The following SLC16A7 variants were observed in gnomAD, a reference collection of about 807,000 sequenced individuals.
SLC16A7 encodes monocarboxylate transporter 2.
SLC16A7 carries 33 observed loss-of-function variants against 34.9 expected under a neutral mutation model. That is an observed-to-expected ratio of 0.94 (90% CI 0.72 to 1.26). The LOEUF (loss-of-function observed/expected upper bound fraction) is 1.26, where lower values mean the gene tolerates loss of function less well. SLC16A7 is among the 50% of genes most tolerant of loss of function. SLC16A7 has a pLI of 0.00. For synonymous variants in SLC16A7, 201 were observed against 206.6 expected, an observed-to-expected ratio of 0.97 and a Z score of 0.23; for missense variants, 573 against 578.1, an observed-to-expected ratio of 0.99 and a Z score of 0.09.
chr12:59,676,769 G>T (rs988989118), intron 2 of SLC16A7, among the ~76,000 whole-genome samples: 16 of 152,066 alleles, frequency 1.1e-4, no homozygotes, highest in Non-Finnish European at 2.1e-4. Context: ...TACTAAGTAG[G>T]TAAAGGGACA....
chr12:59,601,935 G>T (rs1878703360), intron 1 of SLC16A7, among the ~76,000 whole-genome samples: 1 of 152,114 alleles, frequency 6.6e-6, no homozygotes, highest in Non-Finnish European at 1.5e-5. Flanking sequence ...AATTTTGGAG[G>T]CACACATTAA....
At position 59,707,917 on chromosome 12, in the gene SLC16A7, A is replaced by G. The variant is rs979438882; in HGVS notation, c.217+2899A>G. 7.9e-5 allele frequency among the ~76,000 whole-genome samples: 12 copies of G among 152,116 alleles called. No individual in the cohort carries two copies. The South Asian group carries it at 2.3e-3, about 29-fold the overall frequency. ...TCCTTCTTTTAAAACTGGAAACACAATTCTAGGCCCATTGTCTAGTGGATG... is the reference window on the plus strand; with the variant it reads ...TCCTTCTTTTAAAACTGGAAACACAGTTCTAGGCCCATTGTCTAGTGGATG... On this transcript the variant is annotated intron_variant, in intron 3 of 5. Transcript: ENST00000547379.
At chr12:59,613,451 G>A (rs781280208) in intron 1 of SLC16A7, among the ~76,000 whole-genome samples, 11 of 152,106 alleles carry the variant, frequency 7.2e-5, no homozygotes, top group African/African-American at 9.7e-5. Flanking sequence ...CATCACTTTG[G>A]GAGTTAGGTT....
intron 2 of SLC16A7, among the ~76,000 whole-genome samples, chr12:59,699,571 G>A (rs1031014269): frequency 6.6e-6 from 1 of 151,672 alleles, no homozygotes; most frequent in African/African-American, 2.4e-5. Flanking sequence ...TGCCCCAAGA[G>A]AGGAAAGTAC....
intron 3 of SLC16A7, among the ~76,000 whole-genome samples, chr12:59,753,048 C>A (rs1406983958): frequency 2.0e-5 from 3 of 152,128 alleles, no homozygotes; most frequent in South Asian, 2.1e-4. Context: ...TACAGACAAG[C>A]AAATGCTGAG....
At chr12:59,603,469 T>C (rs1878786013) in intron 1 of SLC16A7, among the ~76,000 whole-genome samples, 1 of 152,194 alleles carries the variant, frequency 6.6e-6, no homozygotes, top group Admixed American at 6.5e-5. Flanking sequence ...TGTTCTTTTA[T>C]CTTGAAATGA....
At chr12:59,762,333 C>T (rs12316277) in intron 3 of SLC16A7, among the ~76,000 whole-genome samples, 2,638 of 152,084 alleles carry the variant, frequency 0.017, 59 homozygotes, top group African/African-American at 0.059. Flanking sequence ...GCTTGAATAT[C>T]GAAATGGAAT....
chr12:59,645,612 G>C (rs936879776), intron 1 of SLC16A7, among the ~76,000 whole-genome samples: 1 of 152,054 alleles, frequency 6.6e-6, no homozygotes, highest in African/African-American at 2.4e-5. Context: ...ACCGAGTCTT[G>C]GGTGTGTTCT....
chr12:59,774,722 C>T lies in SLC16A7; in HGVS notation c.427C>T (p.Arg143Ter), dbSNP rs755179284. 2.7e-5 allele frequency: 43 copies of T among 1,613,092 alleles called. No homozygotes were observed. The highest frequency in any genetic ancestry group is 3.3e-5 in the Admixed American group (2 of 59,836). The change falls in exon 5 of 6, where the codon CGA becomes TGA. Residue 143 changes from arginine (R) to a stop codon, truncating the protein, a stop_gained. Transcript: ENST00000547379. LOFTEE classifies it high-confidence loss of function. ...TIIGKYFYRKRPMANGLAMAG... is the reference protein window; with the variant it reads ...TIIGKYFYRK ...AATTGGCAAATACTTCTATAGGAAG[C>T]GACCCATGGCAAATGGATTGGCCAT...
At chr12:59,606,282 C>G (rs1304519047) in intron 1 of SLC16A7, among the ~76,000 whole-genome samples, 1 of 152,078 alleles carries the variant, frequency 6.6e-6, no homozygotes, top group Non-Finnish European at 1.5e-5. Context: ...GAAATTTTCA[C>G]TTAGTTATAA....
chr12:59,612,009 G>A (rs1032474523), intron 1 of SLC16A7, among the ~76,000 whole-genome samples: 1 of 152,204 alleles, frequency 6.6e-6, no homozygotes, highest in African/African-American at 2.4e-5. Flanking sequence ...CAAGCTGTCA[G>A]TGGATCTACA....
chr12:59,761,139 A>G (rs1343600463), intron 3 of SLC16A7: 31 of 1,283,920 alleles, frequency 2.4e-5, no homozygotes, highest in Non-Finnish European at 3.1e-5. Context: ...AATATTTGAA[A>G]GCTTTTTGAT....
At position 59,712,065 on chromosome 12, in the gene SLC16A7, A is replaced by C. The variant is rs140468819; in HGVS notation, c.217+7047A>C. ...TCACACAAGAATATATACATTTATG[A>C]GTGCATATGTGAGTGTGTGTGTATG... On this transcript the variant is annotated intron_variant, in intron 3 of 5. Transcript: ENST00000547379. Among the ~76,000 whole-genome samples, 213 of 152,322 alleles carry C rather than the reference A, an allele frequency of 1.4e-3. 1 individual carries two copies. Among genetic ancestry groups the C allele is most frequent in the Middle Eastern group, 6.8e-3 (2 of 294 alleles).
chr12:59,649,178 C>T (rs1012150034), intron 1 of SLC16A7, among the ~76,000 whole-genome samples: 1 of 152,030 alleles, frequency 6.6e-6, no homozygotes, highest in Admixed American at 6.6e-5. Flanking sequence ...TGGAGACAAA[C>T]TAATGTCTCA....
At chr12:59,618,854 A>G (rs1879573938) in intron 1 of SLC16A7, among the ~76,000 whole-genome samples, 1 of 152,056 alleles carries the variant, frequency 6.6e-6, no homozygotes. Context: ...ATATTGGCAT[A>G]ATAAATGATA....
intron 2 of SLC16A7, among the ~76,000 whole-genome samples, chr12:59,658,250 A>G (rs1868639738): frequency 6.6e-6 from 1 of 151,856 alleles, no homozygotes; most frequent in African/African-American, 2.4e-5. Flanking sequence ...TTTGATTTTC[A>G]TTTTACAGTC....
intron 3 of SLC16A7, among the ~76,000 whole-genome samples, chr12:59,707,595 A>C (rs1873737723): frequency 6.6e-6 from 1 of 152,124 alleles, no homozygotes. Flanking sequence ...GTAGTTTGTT[A>C]AAATAGTTAT....
chr12:59,724,904 A>G (rs929071124), intron 3 of SLC16A7, among the ~76,000 whole-genome samples: 1 of 152,052 alleles, frequency 6.6e-6, no homozygotes, highest in Non-Finnish European at 1.5e-5. Flanking sequence ...AGGTAATAAT[A>G]GAAAATTTTT....
intron 3 of SLC16A7, among the ~76,000 whole-genome samples, chr12:59,749,616 A>G (rs904517538): frequency 6.6e-6 from 1 of 152,206 alleles, no homozygotes; most frequent in Non-Finnish European, 1.5e-5. Context: ...TATAGAGAGT[A>G]TCATGGATGT....
Sources: gnomAD v4.1 joint callset for allele counts (sites outside exome capture counted in the v4.1 genomes callset) on GRCh38, gnomAD v4.1.1 for gene constraint, MANE v1.5 for transcripts, NCBI Gene and HGNC (gene_info 2026-07-23, HGNC 2026-07-21) for gene names.